NETO1: variants seen among roughly 807,000 people sequenced by gnomAD.
The protein encoded by NETO1 is neuropilin and tolloid-like protein 1.
Under a neutral mutation model 61.3 loss-of-function variants are expected in NETO1, and 26 were observed. The observed-to-expected ratio is 0.42, with a 90% CI of 0.31 to 0.59. NETO1 has a LOEUF of 0.59. Ranked by LOEUF, NETO1 falls within the 20% of genes least tolerant of loss-of-function variation. The pLI is 0.12. For synonymous variants in NETO1, 225 were observed against 225.8 expected (o/e 1.00, Z 0.03); for missense variants, 531 against 662.8 (o/e 0.80, Z 2.18).
chr18:72,855,021 A>C (rs925585939), intron 4 of NETO1, among the ~76,000 whole-genome samples: 6 of 150,630 alleles, frequency 4.0e-5, no homozygotes, highest in Admixed American at 3.9e-4. Flanking sequence ...AAACTTGTTT[A>C]AAGACTCTTT....
chr18:72,831,844 C>G (rs574318391), intron 4 of NETO1, among the ~76,000 whole-genome samples: 5 of 151,698 alleles, frequency 3.3e-5, no homozygotes, highest in South Asian at 2.1e-4. Context: ...CAGTATTTGT[C>G]TTTGGGTATT....
At chr18:72,770,690 T>A (rs2071325428) in intron 7 of NETO1, among the ~76,000 whole-genome samples, 2 of 152,148 alleles carry the variant, frequency 1.3e-5, no homozygotes, top group Admixed American at 1.3e-4. Context: ...TAAGTTACGG[T>A]TGGTAACACT....
At chr18:72,792,697 G>A (rs1007310820) in intron 6 of NETO1, among the ~76,000 whole-genome samples, 6 of 151,706 alleles carry the variant, frequency 4.0e-5, no homozygotes, top group African/African-American at 9.7e-5. Flanking sequence ...TTGTTTTTCC[G>A]TATGTCGCTG....
chr18:72,824,166 G>A (rs935604800), intron 4 of NETO1, among the ~76,000 whole-genome samples: 1 of 152,122 alleles, frequency 6.6e-6, no homozygotes, highest in African/African-American at 2.4e-5. Flanking sequence ...AGAATAAGCC[G>A]GGTTTTTGTT....
Position 72,804,828 on chromosome 18 carries a change from T to C in NETO1, c.470-10424A>G, listed in dbSNP as rs539237179. Among the ~76,000 whole-genome samples, 14 of 152,296 alleles carry C rather than the reference T, an allele frequency of 9.2e-5. No homozygotes were observed. In the East Asian group the frequency reaches 1.2e-3, roughly 13 times the overall value. ...CTAACAGGATAGTCTTAGAAAACAA[T>C]AGTTTTCCCCAAATTTCCACAATCT... is the stretch of plus-strand genomic sequence containing the variant. On this transcript the variant is annotated intron_variant, in intron 4 of 10. Transcript: ENST00000327305.
chr18:72,805,830 G>A (rs187422371), intron 4 of NETO1, among the ~76,000 whole-genome samples: 1 of 152,112 alleles, frequency 6.6e-6, no homozygotes, highest in Non-Finnish European at 1.5e-5. Context: ...ATATAAAACA[G>A]ATAAAATACA....
chr18:72,745,165 T>A lies in NETO1; in HGVS notation c.*3014A>T, dbSNP rs576744784. 6.6e-6 allele frequency: 1 copy of A among 152,262 alleles called. No individual in the cohort carries two copies. Among genetic ancestry groups the A allele is most frequent in the Admixed American group, 6.5e-5 (1 of 15,288 alleles). 9.4% of individuals were successfully genotyped at this position (152,262 alleles called of 1,614,324 possible). A position where few individuals can be genotyped will look rare whatever the true frequency, so the allele number is the denominator to read the frequency against. ...AATTATGTGGACAGCCACATTTTGG[T>A]TACAAAATCAAATTCAAGTTAATTA... On this transcript the variant is annotated 3_prime_UTR_variant, in exon 11 of 11. Coordinates refer to ENST00000327305, the MANE Select transcript of NETO1 (RefSeq NM_138966.5).
intron 8 of NETO1, among the ~76,000 whole-genome samples, chr18:72,753,219 T>C (rs2070680327): frequency 6.6e-6 from 1 of 151,570 alleles, no homozygotes; most frequent in Non-Finnish European, 1.5e-5. Context: ...CATATGATAT[T>C]GAAAACATTA....
chr18:72,828,839 C>G (rs2073479637), intron 4 of NETO1, among the ~76,000 whole-genome samples: 1 of 152,110 alleles, frequency 6.6e-6, no homozygotes, highest in African/African-American at 2.4e-5. Context: ...CTACTAAGAT[C>G]TGGGAGAAAA....
chr18:72,826,249 A>G (rs568491140), intron 4 of NETO1, among the ~76,000 whole-genome samples: 2 of 152,258 alleles, frequency 1.3e-5, no homozygotes, highest in East Asian at 3.9e-4. Flanking sequence ...TACTCCCTTC[A>G]TTATTATTAA....
intron 4 of NETO1, among the ~76,000 whole-genome samples, chr18:72,804,598 T>C (rs748705211): frequency 8.5e-5 from 13 of 152,212 alleles, no homozygotes; most frequent in Non-Finnish European, 1.8e-4. Flanking sequence ...CTGAGTCTTA[T>C]TTTCCTTAAC....
intron 1 of NETO1, chr18:72,866,890 G>A (rs968978435): frequency 2.5e-5 from 17 of 687,660 alleles, no homozygotes; most frequent in African/African-American, 1.3e-4. Flanking sequence ...GCCCCTAGAA[G>A]AGGAAGACTC....
intron 7 of NETO1, among the ~76,000 whole-genome samples, chr18:72,768,328 G>A (rs996523129): frequency 1.3e-5 from 2 of 151,964 alleles, no homozygotes; most frequent in Non-Finnish European, 2.9e-5. Flanking sequence ...AGGTGTGAAG[G>A]CAGACTTGTG....
intron 7 of NETO1, among the ~76,000 whole-genome samples, chr18:72,780,977 T>C (rs1036662166): frequency 1.3e-5 from 2 of 152,198 alleles, no homozygotes; most frequent in African/African-American, 4.8e-5. Flanking sequence ...CTAACTTTAA[T>C]ACAGGCTAAT....
intron 7 of NETO1, among the ~76,000 whole-genome samples, chr18:72,764,910 A>G (rs1474722082): frequency 6.6e-6 from 1 of 152,074 alleles, no homozygotes. Flanking sequence ...GCATGGCTCT[A>G]TCTCAATACA....
At chr18:72,809,907 A>C (rs2072807359) in intron 4 of NETO1, among the ~76,000 whole-genome samples, 2 of 152,248 alleles carry the variant, frequency 1.3e-5, no homozygotes. Context: ...CCTTTAATAT[A>C]TAGCATCATA....
chr18:72,834,843 A>G (rs2073693193), intron 4 of NETO1: 2 of 979,390 alleles, frequency 2.0e-6, no homozygotes, highest in Admixed American at 6.2e-5. Context: ...GAGAGTGGAG[A>G]CTATTATAAT....
chr18:72,840,640 AT>A (rs35930228), intron 4 of NETO1, among the ~76,000 whole-genome samples: 145,573 of 151,740 alleles, frequency 0.96, 69,913 homozygotes, highest in Non-Finnish European at 0.99. Flanking sequence ...AAATTCAGAG[AT>A]TTTTTTTTTT....
chr18:72,746,305 T>C lies in NETO1; in HGVS notation c.*1874A>G, dbSNP rs2070430376. On this transcript the variant is annotated 3_prime_UTR_variant, in exon 11 of 11. Coordinates refer to ENST00000327305, the MANE Select transcript of NETO1 (RefSeq NM_138966.5). Reference sequence around the variant, plus strand: ...TAATCCTTTAAAAAAATCTTTGGTGTATTAATTTTAAATTAAAGGGCAAAA... The same window carrying C: ...TAATCCTTTAAAAAAATCTTTGGTGCATTAATTTTAAATTAAAGGGCAAAA... Among the ~76,000 whole-genome samples, 1 of 152,110 alleles carries C rather than the reference T, an allele frequency of 6.6e-6. No homozygotes were observed. The highest frequency in any genetic ancestry group is 2.1e-4 in the South Asian group (1 of 4,834).
Sources: allele counts gnomAD v4.1 joint callset (sites outside exome capture counted in the v4.1 genomes callset), GRCh38; gene constraint gnomAD v4.1.1; transcripts MANE v1.5; gene names NCBI Gene and HGNC (gene_info 2026-07-23, HGNC 2026-07-21).